CRACD: variants seen among roughly 807,000 people sequenced by gnomAD.
CRACD encodes capping protein-inhibiting regulator of actin dynamics.
In CRACD, 56 loss-of-function variants were observed where a neutral mutation model predicts 106.8. That is an observed-to-expected ratio of 0.52 (90% CI 0.42 to 0.66). CRACD has a LOEUF of 0.66. Ranked by LOEUF, CRACD falls within the 30% of genes least tolerant of loss-of-function variation. The pLI is 0.00. For synonymous variants in CRACD, 754 were observed against 670.8 expected (o/e 1.12, Z -1.92); for missense variants, 1,730 against 1,623.2 (o/e 1.07, Z -1.13).
chr4:56,262,552 T>C (rs1400001542), intron 2 of CRACD, among the ~76,000 whole-genome samples: 1 of 152,208 alleles, frequency 6.6e-6, no homozygotes, highest in East Asian at 1.9e-4. Flanking sequence ...ATCATTAGTG[T>C]AAGTGTATTT....
At chr4:56,185,130 T>A (rs1051219000) in intron 2 of CRACD, among the ~76,000 whole-genome samples, 8 of 152,228 alleles carry the variant, frequency 5.3e-5, no homozygotes, top group Non-Finnish European at 1.0e-4. Context: ...CTAATTTTTT[T>A]ATATTTTTAG....
chr4:56,158,635 A>G (rs1454979093), intron 1 of CRACD, among the ~76,000 whole-genome samples: 1 of 152,060 alleles, frequency 6.6e-6, no homozygotes, highest in Non-Finnish European at 1.5e-5. Flanking sequence ...CCTTACCTTT[A>G]TGGCTGGCTG....
chr4:56,096,520 C>T (rs200460060), intron 1 of CRACD, among the ~76,000 whole-genome samples: 1 of 152,008 alleles, frequency 6.6e-6, no homozygotes, highest in East Asian at 1.9e-4. Flanking sequence ...CAAGACCAGC[C>T]TGGATGACAT....
chr4:56,054,761 C>T (rs966742024), intron 1 of CRACD, among the ~76,000 whole-genome samples: 1 of 152,138 alleles, frequency 6.6e-6, no homozygotes, highest in Non-Finnish European at 1.5e-5. Flanking sequence ...TGTTATCAGA[C>T]ATATTTAAGA....
At chr4:56,122,309 CAAAA>C (rs33942884) in intron 1 of CRACD, among the ~76,000 whole-genome samples, 3 of 109,558 alleles carry the variant, frequency 2.7e-5, no homozygotes, top group Non-Finnish European at 4.2e-5. Context: ...AATTGTAGAC[CAAAA>C]AAAAAAAAAA....
chr4:56,112,859 G>A (rs1577969277), intron 1 of CRACD, among the ~76,000 whole-genome samples: 1 of 152,080 alleles, frequency 6.6e-6, no homozygotes, highest in Admixed American at 6.5e-5. Flanking sequence ...GGCCCCATGG[G>A]CCGCTAAGGG....
At chr4:56,067,100 C>G (rs975643786) in intron 1 of CRACD, among the ~76,000 whole-genome samples, 12 of 151,852 alleles carry the variant, frequency 7.9e-5, no homozygotes, top group Admixed American at 3.3e-4. Context: ...TATACAAGAG[C>G]CTTTTGCATT....
chr4:56,274,213 T>G (rs1742534245), intron 3 of CRACD, among the ~76,000 whole-genome samples: 1 of 152,206 alleles, frequency 6.6e-6, no homozygotes, highest in African/African-American at 2.4e-5. Context: ...GTGTGCAGTT[T>G]GAATCCATTT....
intron 2 of CRACD, among the ~76,000 whole-genome samples, chr4:56,200,448 C>T (rs944297840): frequency 6.6e-6 from 1 of 152,154 alleles, no homozygotes; most frequent in African/African-American, 2.4e-5. Flanking sequence ...GATCACTCTA[C>T]ACAGGGGCTC....
intron 1 of CRACD, among the ~76,000 whole-genome samples, chr4:56,135,959 T>C (rs746034573): frequency 6.6e-6 from 1 of 152,186 alleles, no homozygotes; most frequent in Non-Finnish European, 1.5e-5. Flanking sequence ...ACTGACATGC[T>C]GTCACTATAA....
intron 2 of CRACD, among the ~76,000 whole-genome samples, chr4:56,193,217 G>A (rs1177234236): frequency 2.6e-5 from 4 of 152,196 alleles, no homozygotes; most frequent in East Asian, 1.9e-4. Flanking sequence ...TCATTATCAT[G>A]AGAACAGCAG....
chr4:56,049,270 G>C lies in CRACD; in HGVS notation c.-365G>C, dbSNP rs1176078077. The stretch of plus-strand genomic sequence containing the variant: ...CCGCCGGTCGCCGGCCAGCCGCTCT[G>C]CCAGCCGGAGCGCCAGGCGGGGACC... On this transcript the variant is annotated 5_prime_UTR_variant, in exon 1 of 11. Transcript: ENST00000682029. The C allele has an allele frequency of 2.6e-5, 4 of 151,326 alleles. No homozygotes were observed. Among genetic ancestry groups the C allele is most frequent in the Non-Finnish European group, 5.9e-5 (4 of 67,834 alleles). 9.4% of individuals were successfully genotyped at this position (151,326 alleles called of 1,614,324 possible).
chr4:56,252,900 T>C (rs543661133), intron 2 of CRACD, among the ~76,000 whole-genome samples: 19 of 152,260 alleles, frequency 1.2e-4, no homozygotes, highest in African/African-American at 4.3e-4. Flanking sequence ...CCCTGAGCGG[T>C]TCGTGTAATT....
rs1047743961 is a variant in CRACD at position 56,275,159 on chromosome 4, C to G, written c.-17+2667C>G. Among the ~76,000 whole-genome samples the G allele has an allele frequency of 3.3e-5, 5 of 152,062 alleles. No homozygotes were observed. The East Asian group carries it at 5.8e-4, about 18-fold the overall frequency. ...TGGAGGGTGAGTGGGGGGAAAGGAG[C>G]AGAAAAGATAATTTACTGGGCTTAA... On this transcript the variant is annotated intron_variant, in intron 3 of 10. Transcript: ENST00000682029.
In CRACD at chr4:56,323,334, AG is replaced by A. The variant is rs1406592807; in HGVS notation, c.3188-42del. ...GGGTGAGGAACTGAGGTAAGTCCGCAGTTAAGTTCATTGCAAACCGTTCTTT... is the reference window on the plus strand; with the variant it reads ...GGGTGAGGAACTGAGGTAAGTCCGCATTAAGTTCATTGCAAACCGTTCTTT... On this transcript the variant is annotated intron_variant, in intron 8 of 10. Transcript: ENST00000682029. 2.6e-6 allele frequency: 4 copies of A among 1,548,112 alleles called. No individual in the cohort carries two copies. The African/African-American group carries it at 5.6e-5, about 22-fold the overall frequency.
chr4:56,166,401 C>T (rs1477505927), intron 1 of CRACD, among the ~76,000 whole-genome samples: 2 of 152,094 alleles, frequency 1.3e-5, no homozygotes, highest in Non-Finnish European at 2.9e-5. Context: ...ACTCATTTGG[C>T]TGGGTATGGT....
chr4:56,102,228 C>G (rs1733794848), intron 1 of CRACD, among the ~76,000 whole-genome samples: 1 of 152,128 alleles, frequency 6.6e-6, no homozygotes, highest in Non-Finnish European at 1.5e-5. Flanking sequence ...TGTTCTGTAT[C>G]CTTGCCAGCA....
chr4:56,162,597 AG>A (rs2109906034), intron 1 of CRACD, among the ~76,000 whole-genome samples: 1 of 152,342 alleles, frequency 6.6e-6, no homozygotes, highest in South Asian at 2.1e-4. Flanking sequence ...AGTAGTTAAG[AG>A]CCAAGGCTAA....
intron 2 of CRACD, among the ~76,000 whole-genome samples, chr4:56,217,773 C>T (rs1232096812): frequency 2.6e-5 from 4 of 152,144 alleles, no homozygotes; most frequent in Admixed American, 2.6e-4. Flanking sequence ...TCCCTCGAGG[C>T]CTGAATTAGT....
Sources: allele counts gnomAD v4.1 joint callset (sites outside exome capture counted in the v4.1 genomes callset), GRCh38; gene constraint gnomAD v4.1.1; transcripts MANE v1.5; gene names NCBI Gene and HGNC (gene_info 2026-07-23, HGNC 2026-07-21).